The following CCDC125 variants were observed in gnomAD, a reference collection of about 807,000 sequenced individuals.
CCDC125 encodes coiled-coil domain containing 125, also known as coiled-coil domain-containing protein 125.
A neutral mutation model predicts 57.4 loss-of-function variants in CCDC125; 43 were observed. That is an observed-to-expected ratio of 0.75 (90% CI 0.59 to 0.97). The LOEUF (loss-of-function observed/expected upper bound fraction) is 0.97, where lower values mean the gene tolerates loss of function less well. Among genes scored for constraint, CCDC125 ranks in the 50% least tolerant of loss-of-function variants. The pLI is 0.00. For synonymous variants in CCDC125, 187 were observed against 195.2 expected, an observed-to-expected ratio of 0.96 and a Z score of 0.35; for missense variants, 563 against 595.7, an observed-to-expected ratio of 0.95 and a Z score of 0.57.
At chr5:69,304,676 C>T (rs777790191) in intron 6 of CCDC125, among the ~76,000 whole-genome samples, 1 of 152,160 alleles carries the variant, frequency 6.6e-6, no homozygotes, top group Non-Finnish European at 1.5e-5. Context: ...CTGCCCACCT[C>T]GGCCTCCCAA....
chr5:69,293,709 C>T (rs1580009837), intron 9 of CCDC125, among the ~76,000 whole-genome samples: 1 of 150,660 alleles, frequency 6.6e-6, no homozygotes, highest in African/African-American at 2.4e-5. Flanking sequence ...CTATTTTATT[C>T]TATTTTAAGT....
rs187746570 is a variant in CCDC125, at chr5:69,299,203, G to C, written c.816+809C>G. On this transcript the variant is annotated intron_variant, in intron 8 of 11. Coordinates refer to ENST00000396496, the MANE Select transcript of CCDC125 (RefSeq NM_176816.5). Reference sequence around the variant, plus strand: ...CGGCTCACTGCAAGCTCCGCCTCCTGGGTTCACGCCATTCTCCTGCCTCAG... The same window carrying C: ...CGGCTCACTGCAAGCTCCGCCTCCTCGGTTCACGCCATTCTCCTGCCTCAG... Among the ~76,000 whole-genome samples, 21 of 151,598 alleles carry C rather than the reference G, an allele frequency of 1.4e-4. No individual in the cohort carries two copies. In the East Asian group the frequency reaches 3.9e-3, roughly 28 times the overall value.
intron 2 of CCDC125, among the ~76,000 whole-genome samples, chr5:69,315,768 A>AG (rs2150561304): frequency 7.5e-6 from 1 of 133,892 alleles, no homozygotes; most frequent in Non-Finnish European, 1.6e-5. Context: ...CTCAAAAAAA[A>AG]AAAAAAAAAA....
intron 7 of CCDC125, among the ~76,000 whole-genome samples, chr5:69,301,741 A>G (rs1025767386): frequency 1.3e-4 from 19 of 151,656 alleles, no homozygotes; most frequent in African/African-American, 4.6e-4. Flanking sequence ...TCTCAAAAAA[A>G]AAAAAGAAAT....
chr5:69,294,096 C>G, intron 9 of CCDC125: 1 of 967,750 alleles, frequency 1.0e-6, no homozygotes, highest in Non-Finnish European at 1.2e-6. Flanking sequence ...GTTCCTTTCA[C>G]TGTGCCTTGC....
intron 10 of CCDC125, among the ~76,000 whole-genome samples, chr5:69,291,283 AT>A (rs1754410405): frequency 1.3e-5 from 2 of 152,148 alleles, no homozygotes; most frequent in African/African-American, 4.8e-5. Flanking sequence ...TACTTTGTTC[AT>A]ACTGGAAGAT....
intron 10 of CCDC125, among the ~76,000 whole-genome samples, chr5:69,289,602 C>G (rs556115983): frequency 2.2e-4 from 33 of 152,274 alleles, no homozygotes; most frequent in African/African-American, 7.9e-4. Context: ...TGGATCACAT[C>G]TGTAACCACA....
chr5:69,279,259 A>G (rs1188180826), downstream of CCDC125, among the ~76,000 whole-genome samples: 3 of 144,626 alleles, frequency 2.1e-5, no homozygotes, highest in Admixed American at 7.1e-5. Flanking sequence ...GTGCAGTGGC[A>G]CGATCTCGGC....
downstream of CCDC125, among the ~76,000 whole-genome samples, chr5:69,278,873 T>TTC (rs1481230966): frequency 6.6e-6 from 1 of 150,932 alleles, no homozygotes; most frequent in Non-Finnish European, 1.5e-5. Context: ...TAATTTTTTT[T>TTC]TTTTTTTTAA....
chr5:69,308,125 A>C, intron 4 of CCDC125, 97 bp from the exon 5 acceptor site: 2 of 855,324 alleles, frequency 2.3e-6, no homozygotes, highest in Non-Finnish European at 3.9e-6. Context: ...ATGGAAAATT[A>C]AGATGAATTG....
intron 10 of CCDC125, among the ~76,000 whole-genome samples, chr5:69,287,006 A>AC: frequency 6.6e-6 from 1 of 151,760 alleles, no homozygotes; most frequent in South Asian, 2.1e-4. Context: ...AAAAAAAAAA[A>AC]AAAAAAACCC....
downstream of CCDC125, among the ~76,000 whole-genome samples, chr5:69,277,796 G>C (rs139490113): frequency 6.6e-6 from 1 of 151,664 alleles, no homozygotes; most frequent in African/African-American, 2.4e-5. Context: ...TAGTAGTGGT[G>C]TAGTAAATAC....
At chr5:69,297,107 A>G (rs1755466910) in intron 8 of CCDC125, among the ~76,000 whole-genome samples, 1 of 152,114 alleles carries the variant, frequency 6.6e-6, no homozygotes, top group Non-Finnish European at 1.5e-5. Context: ...GCTCTGTCAC[A>G]TAGGCTGGAG....
chr5:69,293,953 T>C (rs962010612), intron 9 of CCDC125: 18 of 153,664 alleles, frequency 1.2e-4, no homozygotes, highest in African/African-American at 4.3e-4. Flanking sequence ...GTCTATTTCC[T>C]CACAACAATC....
intron 1 of CCDC125, among the ~76,000 whole-genome samples, chr5:69,331,538 G>A (rs1050822348): frequency 1.3e-5 from 2 of 151,914 alleles, no homozygotes; most frequent in African/African-American, 2.4e-5. Flanking sequence ...CCGAAACTCC[G>A]TTTCAAAAAA....
At chr5:69,283,792 A>T (rs115513074) in intron 11 of CCDC125, among the ~76,000 whole-genome samples, 5 of 139,688 alleles carry the variant, frequency 3.6e-5, no homozygotes, top group African/African-American at 1.1e-4. Flanking sequence ...CAGGCTGACA[A>T]TTTTTTTTTT....
At chr5:69,313,548 A>G in intron 3 of CCDC125, 1 of 764,294 alleles carries the variant, frequency 1.3e-6, no homozygotes, top group Non-Finnish European at 2.4e-6. Context: ...TAAGGGGCAC[A>G]GACTCAGTGG....
rs185995951 is a variant in CCDC125 at position 69,298,310 on chromosome 5, G to A, written c.816+1702C>T. Reference sequence around the variant, plus strand: ...ATTACAGGCGTGAGCCACCGCGCCCGGCCCCTGTTGCTGTACTTTCACATG... The same window carrying A: ...ATTACAGGCGTGAGCCACCGCGCCCAGCCCCTGTTGCTGTACTTTCACATG... On this transcript the variant is annotated intron_variant, in intron 8 of 11. Transcript: ENST00000396496. Among the ~76,000 whole-genome samples the A allele has an allele frequency of 1.7e-3, 260 of 152,276 alleles. 1 individual carries two copies. The highest frequency in any genetic ancestry group is 5.1e-3 in the African/African-American group (214 of 41,556).
intron 8 of CCDC125, among the ~76,000 whole-genome samples, chr5:69,296,537 G>T (rs1193712662): frequency 6.6e-6 from 1 of 151,822 alleles, no homozygotes; most frequent in African/African-American, 2.4e-5. Context: ...GGCAACAAGA[G>T]CAAAACTCTG....
Sources: allele counts gnomAD v4.1 joint callset (sites outside exome capture counted in the v4.1 genomes callset), GRCh38; gene constraint gnomAD v4.1.1; transcripts MANE v1.5; gene names NCBI Gene and HGNC (gene_info 2026-07-23, HGNC 2026-07-21).